The following ABCA4 variants were observed in gnomAD, a reference collection of about 807,000 sequenced individuals.
The protein encoded by ABCA4 is retinal-specific phospholipid-transporting ATPase ABCA4.
A neutral mutation model predicts 263.7 loss-of-function variants in ABCA4; 196 were observed. The ratio of observed to expected loss-of-function variants is 0.74; its 90% CI spans 0.66 to 0.84. The LOEUF is 0.84. ABCA4 is among the 40% of genes least tolerant of loss of function. ABCA4 has a pLI of 0.00. For missense variants in ABCA4, 2,792 were observed against 2,855.1 expected (o/e 0.98, Z 0.50); for synonymous variants, 1,133 against 1,094.2 (o/e 1.04, Z -0.70).
intron 5 of ABCA4, 150 bp downstream of exon 5, chr1:94,102,865 C>T (rs140626572): frequency 4.6e-5 from 50 of 1,090,312 alleles, no homozygotes; most frequent in African/African-American, 2.4e-4. Context: ...AGTGATCCCC[C>T]GGTTTTTTTC....
intron 18 of ABCA4, among the ~76,000 whole-genome samples, chr1:94,047,976 G>C (rs535865709): frequency 9.9e-5 from 15 of 152,272 alleles, no homozygotes; most frequent in Admixed American, 3.3e-4. Flanking sequence ...TCTTCTATCC[G>C]TGCCTCCTGG....
rs4147886 is a variant in ABCA4, at chr1:94,079,249, TCACACA to T, written c.1239+67_1239+72del. ...GTGCTACCAGGAAGGCACATCTCTC[TCACACA>T]CACACACACACACACACACTTCTGG... On this transcript the variant is annotated intron_variant, in intron 9 of 49. Transcript: ENST00000370225. 3,901 of 1,429,142 alleles carry T rather than the reference TCACACA, an allele frequency of 2.7e-3. 70 individuals are homozygous for T. In the African/African-American group the frequency reaches 0.05, roughly 18 times the overall value. 88.5% of individuals were successfully genotyped at this position (1,429,142 alleles called of 1,614,324 possible).
At chr1:94,012,859 A>G (rs1419133151) in intron 38 of ABCA4, among the ~76,000 whole-genome samples, 1 of 152,192 alleles carries the variant, frequency 6.6e-6, no homozygotes, top group African/African-American at 2.4e-5. Flanking sequence ...TGTTTATATC[A>G]GCACACACCC....
Position 94,025,037 on chromosome 1 carries a change from GCGCTGTGTT to G in ABCA4, c.4542_4550del (p.Arg1514_Arg1517delinsSer). On this transcript the variant is annotated inframe_deletion and splice_region_variant, in exon 31 of 50. Coordinates refer to ENST00000370225, the MANE Select transcript of ABCA4 (RefSeq NM_000350.3). ...TCAGGTCTTGTAGAATTTCCGTGCT[GCGCTGTGTT>G]CTCTGAGGCAATGAGACACCCACGT... The G allele has an allele frequency of 6.2e-7, 1 of 1,614,178 alleles. No individual in the cohort carries two copies. The highest frequency in any genetic ancestry group is 8.5e-7 in the Non-Finnish European group (1 of 1,180,010).
intron 6 of ABCA4, among the ~76,000 whole-genome samples, chr1:94,086,546 GTT>G (rs879273564): frequency 7.0e-6 from 1 of 143,138 alleles, no homozygotes; most frequent in African/African-American, 2.5e-5. Context: ...CACATAGGCT[GTT>G]TTTTTTTTTT....
chr1:94,040,141 A>G lies in ABCA4; in HGVS notation c.3523-14T>C. 6.3e-7 allele frequency: 1 copy of G among 1,595,698 alleles called. No homozygotes were observed. Among genetic ancestry groups the G allele is most frequent in the Non-Finnish European group, 8.6e-7 (1 of 1,168,156 alleles). ...GCTGCAGGTCCCCTGCAACAGATGG[A>G]TGGGATGACTGACAAGATGCACATC... On this transcript the variant is annotated splice_polypyrimidine_tract_variant and intron_variant, in intron 23 of 49. Transcript: ENST00000370225.
intron 35 of ABCA4, among the ~76,000 whole-genome samples, chr1:94,020,781 A>G (rs1199168628): frequency 6.6e-6 from 1 of 152,230 alleles, no homozygotes; most frequent in African/African-American, 2.4e-5. Context: ...CACTGTCTCC[A>G]CTGGCTGAAA....
intron 4 of ABCA4, 32 bp from the exon 5 acceptor site, chr1:94,103,174 T>A (rs1294352610): frequency 6.2e-7 from 1 of 1,612,578 alleles, no homozygotes; most frequent in Non-Finnish European, 8.5e-7. Flanking sequence ...AACAGGGTGT[T>A]GAAGGGGAAA....
chr1:94,032,011 G>A lies in ABCA4; in HGVS notation c.3895C>T (p.Pro1299Ser). Reference protein sequence around the residue: ...GAQQKRENVNPRHPCLGPREK... With the variant: ...GAQQKRENVNSRHPCLGPREK... ...CTGGGACCCAAGCAGGGGTGTCGGG[G>A]GTTGACGTTTTCTCTTTTCTGCTGA... Residue 1299 changes from proline to serine, a missense_variant, in exon 27 of 50, where the codon CCC becomes TCC. Physicochemically the swap from Pro to Ser is moderately conservative, Grantham distance 74. Transcript: ENST00000370225. 2 of 1,613,398 alleles carry A rather than the reference G, an allele frequency of 1.2e-6. No homozygotes were observed. Among genetic ancestry groups the A allele is most frequent in the Non-Finnish European group, 1.7e-6 (2 of 1,180,018 alleles).
Position 94,098,814 on chromosome 1 carries a change from A to T in ABCA4, c.748T>A (p.Phe250Ile), listed in dbSNP as rs1161233650. The change falls in exon 6 of 50, where the codon TTC becomes ATC. Residue 250 changes from phenylalanine (F) to isoleucine (I), a missense_variant. Physicochemically the swap from Phe to Ile is conservative, Grantham distance 21. Coordinates refer to ENST00000370225, the MANE Select transcript of ABCA4 (RefSeq NM_000350.3). ...CTTACCACACGGAAGAGCTTGAAGA[A>T]GTCCACGTTGGCATACAGAGTGTCT... The part of the protein sequence containing the change: ...IEDTLYANVD[F>I]FKLFRVLPTL... 8 of 1,614,086 alleles carry T rather than the reference A, an allele frequency of 5.0e-6. No individual in the cohort carries two copies. The South Asian group carries it at 8.8e-5, about 18-fold the overall frequency.
At chr1:94,056,843 G>A (rs373286833) in intron 14 of ABCA4, 21 bp from the exon 15 acceptor site, 41 of 1,567,604 alleles carry the variant, frequency 2.6e-5, no homozygotes, top group African/African-American at 9.5e-5. Context: ...GAGGCCATGC[G>A]TCAGTAACTC....
intron 26 of ABCA4, among the ~76,000 whole-genome samples, chr1:94,034,490 C>T (rs1202675161): frequency 1.3e-5 from 2 of 152,054 alleles, no homozygotes; most frequent in Non-Finnish European, 2.9e-5. Context: ...GCCACAGACC[C>T]TCTCCATGCC....
At chr1:94,040,005 G>A (rs775338080) in intron 24 of ABCA4, 38 bp downstream of exon 24, 9 of 1,529,222 alleles carry the variant, frequency 5.9e-6, no homozygotes, top group Non-Finnish European at 8.1e-6. Context: ...GGAGATGGCT[G>A]CCAGACGGAA....
At chr1:94,053,501 C>G (rs1318043391) in intron 16 of ABCA4, among the ~76,000 whole-genome samples, 1 of 152,200 alleles carries the variant, frequency 6.6e-6, no homozygotes, top group African/African-American at 2.4e-5. Flanking sequence ...TGTTTAGGAA[C>G]AGGGTCATTG....
chr1:94,030,573 A>G lies in ABCA4; in HGVS notation c.4254-47T>C, dbSNP rs56142328. On this transcript the variant is annotated intron_variant, in intron 28 of 49. Coordinates refer to ENST00000370225, the MANE Select transcript of ABCA4 (RefSeq NM_000350.3). ...ACTGGGACAGAGCAGGCGCGTGCCA[A>G]CATCATGCAACTCAGAGCCTTTACT... 5,894 of 1,533,914 alleles carry G rather than the reference A, an allele frequency of 3.8e-3. 19 individuals carry two copies. Among genetic ancestry groups the G allele is most frequent in the Admixed American group, 8.2e-3 (491 of 59,890 alleles).
At chr1:94,032,356 G>C (rs536807125) in intron 26 of ABCA4, among the ~76,000 whole-genome samples, 4 of 152,180 alleles carry the variant, frequency 2.6e-5, no homozygotes, top group Non-Finnish European at 5.9e-5. Flanking sequence ...AACAAAACTG[G>C]CTGGGCACGG....
At chr1:94,042,645 T>C (rs1207645691) in intron 22 of ABCA4, 116 bp downstream of exon 22, 1 of 1,416,516 alleles carries the variant, frequency 7.1e-7, no homozygotes, top group Non-Finnish European at 9.9e-7. Flanking sequence ...AACCCCCTTC[T>C]GAGTGTAGTC....
Position 94,115,293 on chromosome 1 carries a change from T to C in ABCA4, c.67-2227A>G, listed in dbSNP as rs907459384. 9.2e-5 allele frequency among the ~76,000 whole-genome samples: 14 copies of C among 152,340 alleles called. No homozygotes were observed. In the East Asian group the frequency reaches 2.5e-3, roughly 27 times the overall value. On this transcript the variant is annotated intron_variant, in intron 1 of 49. Coordinates refer to ENST00000370225, the MANE Select transcript of ABCA4 (RefSeq NM_000350.3). ...ACGACTGCTTGCAATATTGGCTTTCTATCACGTAGATCGGCTGTCTTCCAT... is the reference window on the plus strand; with the variant it reads ...ACGACTGCTTGCAATATTGGCTTTCCATCACGTAGATCGGCTGTCTTCCAT...
At chr1:94,031,637 A>G in intron 27 of ABCA4, 141 bp downstream of exon 27, 2 of 1,173,200 alleles carry the variant, frequency 1.7e-6, no homozygotes, top group Non-Finnish European at 2.5e-6. Context: ...GGGTTTGGAA[A>G]GCAGGAAACA....
Sources: gnomAD v4.1 joint callset for allele counts (sites outside exome capture counted in the v4.1 genomes callset) on GRCh38, gnomAD v4.1.1 for gene constraint, MANE v1.5 for transcripts, NCBI Gene and HGNC (gene_info 2026-07-23, HGNC 2026-07-21) for gene names.